Variants in MACF1 observed in about 807,000 individuals in gnomAD.
MACF1 encodes microtubule actin crosslinking factor 1, also known as microtubule-actin cross-linking factor 1.
In MACF1, 193 loss-of-function variants were observed where a neutral mutation model predicts 854.8. That is an observed-to-expected ratio of 0.23 (90% CI 0.20 to 0.25). The LOEUF (loss-of-function observed/expected upper bound fraction) is 0.25. MACF1 is among the 10% of genes least tolerant of loss of function. The pLI is 1.00. For missense variants in MACF1, 7,722 were observed against 8,929.1 expected (o/e 0.86, Z 5.45); for synonymous variants, 3,185 against 3,226.7 (o/e 0.99, Z 0.44).
chr1:39,223,508 C>A (rs1644678179), intron 1 of MACF1, among the ~76,000 whole-genome samples: 2 of 151,654 alleles, frequency 1.3e-5, no homozygotes, highest in South Asian at 4.2e-4. Flanking sequence ...TGAATAAATG[C>A]TATTTAATTT....
intron 71 of MACF1, 96 bp downstream of exon 71, chr1:39,438,104 A>C (rs1164031612): frequency 4.4e-6 from 5 of 1,129,194 alleles, no homozygotes; most frequent in Non-Finnish European, 5.0e-6. Context: ...ATTTCTTTGA[A>C]TGTAAAGGCA....
rs1644534707 is a variant in MACF1, at chr1:39,460,559, G to C, written c.21361-73G>C. The C allele has an allele frequency of 1.1e-5, 14 of 1,331,190 alleles. No homozygotes were observed. The highest frequency in any genetic ancestry group is 3.8e-4 in the Middle Eastern group (2 of 5,258). The allele number at this position is 1,331,190 out of a possible 1,614,324, so 82.5% of individuals were successfully genotyped here. On this transcript the variant is annotated intron_variant, in intron 91 of 100. Transcript: ENST00000564288. This position sits in a 1 kb window ranked among gnomAD's most constrained non-coding sequence, Gnocchi z 4.1. ...GCATGGCTTTACTGAATGTCTGAAA[G>C]TTTGGGTATGCTCTGGGCAGCTTTT...
chr1:39,450,386 T>C lies in MACF1; in HGVS notation c.20259-666T>C, dbSNP rs191984481. On this transcript the variant is annotated intron_variant, in intron 84 of 100. Coordinates refer to ENST00000564288, the MANE Select transcript of MACF1 (RefSeq NM_001394062.1). ...CACACAACTGATACAGAGCTAGGAGTTGAACTGATTCCAGATCACTACCAA... is the reference window on the plus strand; with the variant it reads ...CACACAACTGATACAGAGCTAGGAGCTGAACTGATTCCAGATCACTACCAA... Among the ~76,000 whole-genome samples the C allele has an allele frequency of 2.6e-5, 4 of 151,490 alleles. No homozygotes were observed. The East Asian group carries it at 5.8e-4, about 22-fold the overall frequency.
rs1298468037 is a variant in MACF1, at chr1:39,105,141, C to G, written c.220+20703C>G. Among the ~76,000 whole-genome samples, 1 of 151,986 alleles carries G rather than the reference C, an allele frequency of 6.6e-6. No individual in the cohort carries two copies. The highest frequency in any genetic ancestry group is 1.5e-5 in the Non-Finnish European group (1 of 67,962). On this transcript the variant is annotated intron_variant, in intron 2 of 93. Coordinates refer to the MACF1 transcript ENST00000361689. The surrounding 1 kb of genome is among the most constrained non-coding windows in gnomAD (Gnocchi z 5.9). Reference sequence around the variant, plus strand: ...GCGGGACTCCCGCGTGGGCCGGCCTCTCGCGCCCCTCGGCTCGGGCCCCAG... The same window carrying G: ...GCGGGACTCCCGCGTGGGCCGGCCTGTCGCGCCCCTCGGCTCGGGCCCCAG...
intron 6 of MACF1, among the ~76,000 whole-genome samples, 167 bp from the exon 7 acceptor site, chr1:39,282,041 T>G (rs900512052): frequency 5.3e-5 from 8 of 152,228 alleles, no homozygotes; most frequent in African/African-American, 1.9e-4. Context: ...GGTTTTAATT[T>G]GCATTTATTT....
chr1:39,175,810 G>A (rs1206410191), intron 2 of MACF1, among the ~76,000 whole-genome samples: 5 of 151,026 alleles, frequency 3.3e-5, no homozygotes, highest in South Asian at 4.2e-4. Context: ...AAAATTAGCC[G>A]GGTGTGGCCA....
intron 2 of MACF1, among the ~76,000 whole-genome samples, chr1:39,125,452 T>C (rs1422164963): frequency 6.6e-6 from 1 of 152,238 alleles, no homozygotes; most frequent in African/African-American, 2.4e-5. Flanking sequence ...TATTAGCACC[T>C]AGCATATGTG....
rs1368658202 is a variant in MACF1 at position 39,409,681 on chromosome 1, G to A, written c.15817-12693G>A. 6.6e-6 allele frequency: 1 copy of A among 152,426 alleles called. No homozygotes were observed. The highest frequency in any genetic ancestry group is 1.5e-5 in the Non-Finnish European group (1 of 68,188). 9.4% of individuals were successfully genotyped at this position (152,426 alleles called of 1,614,324 possible). On this transcript the variant is annotated intron_variant, in intron 58 of 100. Coordinates refer to ENST00000564288, the MANE Select transcript of MACF1 (RefSeq NM_001394062.1). This position sits in a 1 kb window ranked among gnomAD's most constrained non-coding sequence, Gnocchi z 4.2. ...GAATGAAGGACTTCCTGTGTTTAAA[G>A]TTGCAGGAATATCCGCCGACCAGCC...
At chr1:39,415,193 A>G (rs1411199476) in intron 58 of MACF1, among the ~76,000 whole-genome samples, 3 of 152,158 alleles carry the variant, frequency 2.0e-5, no homozygotes, top group Admixed American at 2.0e-4. Context: ...AAAAATAGAG[A>G]TATTTTAGTC....
chr1:39,439,990 G>A (rs932974272), intron 72 of MACF1, among the ~76,000 whole-genome samples: 24 of 144,626 alleles, frequency 1.7e-4, no homozygotes, highest in African/African-American at 4.9e-4. Context: ...AAAAATAGAT[G>A]GTAGAAAATA....
At chr1:39,480,169 C>G (rs1355687467) in intron 98 of MACF1, 160 bp downstream of exon 98, 11 of 492,058 alleles carry the variant, frequency 2.2e-5, no homozygotes, top group Non-Finnish European at 3.7e-5. Context: ...CAGATCAAGA[C>G]TGCCCTGTTC....
intron 2 of MACF1, among the ~76,000 whole-genome samples, chr1:39,248,483 G>T (rs1645006306): frequency 6.6e-6 from 1 of 152,078 alleles, no homozygotes; most frequent in East Asian, 1.9e-4. Context: ...GGTATTACAG[G>T]TGTGAGCCAT....
At chr1:39,301,736 T>G (rs767590026) in intron 22 of MACF1, among the ~76,000 whole-genome samples, 4 of 152,146 alleles carry the variant, frequency 2.6e-5, no homozygotes, top group Non-Finnish European at 4.4e-5. Flanking sequence ...TTGTTTGTTT[T>G]TTTTTTCCTT....
intron 6 of MACF1, among the ~76,000 whole-genome samples, chr1:39,276,629 TG>T (rs1360635071): frequency 4.6e-5 from 7 of 152,330 alleles, no homozygotes; most frequent in Admixed American, 1.3e-4. Context: ...TGAGTTTATA[TG>T]GTACTTCTAG....
chr1:39,413,106 T>C (rs1239070761), intron 58 of MACF1: 7 of 1,606,972 alleles, frequency 4.4e-6, no homozygotes, highest in Non-Finnish European at 5.9e-6. Context: ...GTATGTCAGC[T>C]GTCGCAGGGT....
chr1:39,152,731 G>A (rs1336557147), intron 2 of MACF1, among the ~76,000 whole-genome samples: 2 of 152,092 alleles, frequency 1.3e-5, no homozygotes, highest in African/African-American at 2.4e-5. Flanking sequence ...GGAAAATTCC[G>A]TTATGTTATT....
intron 6 of MACF1, among the ~76,000 whole-genome samples, chr1:39,271,866 C>T (rs976383281): frequency 3.3e-5 from 5 of 152,204 alleles, no homozygotes; most frequent in African/African-American, 1.2e-4. Context: ...GAATGTTCTG[C>T]ATGAGTCTGT....
chr1:39,107,110 C>G (rs1433144369), intron 2 of MACF1, among the ~76,000 whole-genome samples: 1 of 152,126 alleles, frequency 6.6e-6, no homozygotes, highest in Non-Finnish European at 1.5e-5. Flanking sequence ...TTGAGTAACA[C>G]TGCTCTCTTC....
In MACF1 at chr1:39,381,365, T is replaced by TC. The variant is rs1200081318; in HGVS notation, c.13649-588_13649-587insC. 9.0e-3 allele frequency among the ~76,000 whole-genome samples: 1,261 copies of TC among 139,884 alleles called. 15 individuals carry two copies. The highest frequency in any genetic ancestry group is 0.031 in the African/African-American group (1,183 of 37,598). The allele number at this position is 139,884 out of a possible 152,430, so 91.8% of individuals were successfully genotyped here. On this transcript the variant is annotated intron_variant, in intron 55 of 100. Transcript: ENST00000564288. The stretch of plus-strand genomic sequence containing the variant: ...AGCCACCATGCCTGGCCTTTTTTTT[T>TC]TTTTTTTTTTTTTGGGGGGGGGGAC...
Sources: gnomAD v4.1 joint callset for allele counts (sites outside exome capture counted in the v4.1 genomes callset) on GRCh38, gnomAD v4.1.1 for gene constraint, Gnocchi (gnomAD v3.1) non-coding constraint, MANE v1.5 for transcripts, NCBI Gene and HGNC (gene_info 2026-07-23, HGNC 2026-07-21) for gene names.